Variants in HOOK3 observed in about 807,000 individuals in gnomAD.
HOOK3 encodes hook microtubule tethering protein 3, also known as protein Hook homolog 3.
Under a neutral mutation model 116.3 loss-of-function variants are expected in HOOK3, and 24 were observed. The observed-to-expected ratio is 0.21, with a 90% CI of 0.15 to 0.29. The LOEUF (loss-of-function observed/expected upper bound fraction) is 0.29, where lower values mean the gene tolerates loss of function less well. HOOK3 is among the 10% of genes least tolerant of loss of function. The pLI, the probability that HOOK3 is intolerant of heterozygous loss-of-function variation, is 1.00. For missense variants in HOOK3, 632 were observed against 830.2 expected, an observed-to-expected ratio of 0.76 and a Z score of 2.93; for synonymous variants, 275 against 283.0, an observed-to-expected ratio of 0.97 and a Z score of 0.28.
At chr8:42,990,061 A>G (rs1226736314) in intron 15 of HOOK3, among the ~76,000 whole-genome samples, 1 of 152,052 alleles carries the variant, frequency 6.6e-6, no homozygotes, top group African/African-American at 2.4e-5. Flanking sequence ...CAGTGGTATG[A>G]TCACAGCTCA....
At chr8:42,897,296 A>G (rs1477375920) in intron 1 of HOOK3, 108 bp downstream of exon 1, 2 of 690,018 alleles carry the variant, frequency 2.9e-6, no homozygotes, top group African/African-American at 1.9e-5. Context: ...GTGCCGTCAC[A>G]TCCGGGGCCT....
chr8:42,998,015 T>G, intron 16 of HOOK3: 1 of 248,612 alleles, frequency 4.0e-6, no homozygotes, highest in Non-Finnish European at 7.9e-6. Flanking sequence ...TAACAGTGAC[T>G]TTAAGAAAAT....
Position 43,027,340 on chromosome 8 carries a change from T to C in HOOK3, c.*8842T>C. 1 of 317,484 alleles carries C rather than the reference T, an allele frequency of 3.1e-6. No individual in the cohort carries two copies. Among genetic ancestry groups the C allele is most frequent in the East Asian group, 6.4e-5 (1 of 15,700 alleles). The allele number at this position is 317,484 out of a possible 1,614,324, so 19.7% of individuals were successfully genotyped here. A position where few individuals can be genotyped will look rare whatever the true frequency, so the allele number is the denominator to read the frequency against. ...GTTCAAAAATACTGAAATACTTGTT[T>C]ATTATGTTACATAAATATGGACACA... On this transcript the variant is annotated 3_prime_UTR_variant, in exon 22 of 22. Transcript: ENST00000307602.
chr8:42,987,216 A>G (rs1012725029), intron 15 of HOOK3, among the ~76,000 whole-genome samples: 2 of 152,186 alleles, frequency 1.3e-5, no homozygotes, highest in African/African-American at 2.4e-5. Context: ...TGTAGTTTGA[A>G]AAATGGCCAT....
intron 17 of HOOK3, among the ~76,000 whole-genome samples, chr8:43,006,331 T>C (rs1809488255): frequency 6.6e-6 from 1 of 151,364 alleles, no homozygotes; most frequent in South Asian, 2.1e-4. Context: ...ATTTATTTTT[T>C]TGAGACGGAG....
In HOOK3 at chr8:42,965,088, G is replaced by A. The variant is rs569505681; in HGVS notation, c.779+614G>A. Among the ~76,000 whole-genome samples, 207 of 152,356 alleles carry A rather than the reference G, an allele frequency of 1.4e-3. 1 individual carries two copies. The highest frequency in any genetic ancestry group is 3.4e-3 in the Middle Eastern group (1 of 294). On this transcript the variant is annotated intron_variant, in intron 9 of 21. Transcript: ENST00000307602. ...ACTGAGGAAACTTTCAAGAAAGACC[G>A]AGGAAGAACATTTGTGAAGGGGCCT...
intron 2 of HOOK3, among the ~76,000 whole-genome samples, chr8:42,909,080 G>A (rs1563288526): frequency 1.3e-5 from 2 of 152,188 alleles, no homozygotes; most frequent in African/African-American, 4.8e-5. Flanking sequence ...GATCACCAGG[G>A]AAATATAAAT....
intron 4 of HOOK3, among the ~76,000 whole-genome samples, chr8:42,935,030 T>C (rs1231571229): frequency 1.3e-5 from 2 of 152,208 alleles, no homozygotes; most frequent in African/African-American, 4.8e-5. Context: ...CATTCCTATT[T>C]CTCCATATCC....
At chr8:43,004,763 G>T (rs1048943564) in intron 17 of HOOK3, among the ~76,000 whole-genome samples, 1 of 151,052 alleles carries the variant, frequency 6.6e-6, no homozygotes, top group South Asian at 2.1e-4. Context: ...AACATACTGA[G>T]TATTGCCGAA....
intron 15 of HOOK3, among the ~76,000 whole-genome samples, chr8:42,996,894 CTTTTTTTTTTTT>C (rs60094537): frequency 3.9e-4 from 30 of 77,896 alleles, no homozygotes; most frequent in South Asian, 1.8e-3. Flanking sequence ...GGGCAGGGAT[CTTTTTTTTTTTT>C]TTTTTTTTTT....
chr8:42,900,803 A>G (rs140291269), intron 1 of HOOK3, among the ~76,000 whole-genome samples: 26 of 152,322 alleles, frequency 1.7e-4, no homozygotes, highest in African/African-American at 6.0e-4. Flanking sequence ...TATGTTTGCT[A>G]ACTTCACCAG....
chr8:42,944,201 G>T (rs1808181649), intron 5 of HOOK3, among the ~76,000 whole-genome samples: 1 of 150,930 alleles, frequency 6.6e-6, no homozygotes, highest in African/African-American at 2.4e-5. Flanking sequence ...GATCACTTGA[G>T]GCCAGGAGTT....
At chr8:43,007,290 C>A (rs957629954) in intron 17 of HOOK3, among the ~76,000 whole-genome samples, 1 of 152,062 alleles carries the variant, frequency 6.6e-6, no homozygotes. Flanking sequence ...ACCTAGGTGA[C>A]CCGGATCGGT....
intron 5 of HOOK3, among the ~76,000 whole-genome samples, chr8:42,950,186 T>G (rs1808313633): frequency 6.6e-6 from 1 of 152,216 alleles, no homozygotes. Context: ...GAAGGAATGT[T>G]GAAAAGGCAA....
intron 18 of HOOK3, among the ~76,000 whole-genome samples, chr8:43,009,080 G>A (rs1809553129): frequency 6.6e-6 from 1 of 151,998 alleles, no homozygotes; most frequent in African/African-American, 2.4e-5. Flanking sequence ...AGACCAGCCT[G>A]GGGAACACAG....
intron 9 of HOOK3, 49 bp downstream of exon 9, chr8:42,964,523 C>T: frequency 1.3e-6 from 2 of 1,566,420 alleles, no homozygotes; most frequent in Non-Finnish European, 1.7e-6. Context: ...TGTTAGCTGT[C>T]ATTTAAAGTT....
chr8:42,918,233 G>C (rs1028378782), intron 2 of HOOK3, among the ~76,000 whole-genome samples: 5 of 152,104 alleles, frequency 3.3e-5, no homozygotes, highest in African/African-American at 1.2e-4. Flanking sequence ...AGCTACTAGG[G>C]AGGCTGAGGT....
chr8:42,963,589 G>T (rs1808576323), intron 8 of HOOK3, among the ~76,000 whole-genome samples: 1 of 152,164 alleles, frequency 6.6e-6, no homozygotes, highest in African/African-American at 2.4e-5. Flanking sequence ...TTAAGAAATT[G>T]CTAAACTATT....
chr8:43,008,752 C>T (rs1401340932), intron 18 of HOOK3, among the ~76,000 whole-genome samples: 2 of 147,906 alleles, frequency 1.4e-5, no homozygotes, highest in South Asian at 2.1e-4. Flanking sequence ...CTCCACCTCC[C>T]GGGTTCACGC....
Sources: gnomAD v4.1 joint callset for allele counts (sites outside exome capture counted in the v4.1 genomes callset) on GRCh38, gnomAD v4.1.1 for gene constraint, MANE v1.5 for transcripts, NCBI Gene and HGNC (gene_info 2026-07-23, HGNC 2026-07-21) for gene names.